Variants in ZNF236 observed in about 807,000 individuals in gnomAD.
ZNF236 encodes regulated by glucose.
Under a neutral mutation model 191.2 loss-of-function variants are expected in ZNF236, and 50 were observed. The ratio of observed to expected loss-of-function variants is 0.26; its 90% CI spans 0.21 to 0.33. The LOEUF is 0.33. Ranked by LOEUF, ZNF236 falls within the 10% of genes least tolerant of loss-of-function variation. ZNF236 has a pLI of 1.00. For missense variants in ZNF236, 1,754 were observed against 2,374.5 expected (o/e 0.74, Z 5.43); for synonymous variants, 907 against 928.8 (o/e 0.98, Z 0.43).
intron 9 of ZNF236, among the ~76,000 whole-genome samples, chr18:76,889,070 C>T (rs958804101): frequency 6.6e-6 from 1 of 152,316 alleles, no homozygotes; most frequent in African/African-American, 2.4e-5. Flanking sequence ...TTGCTAGTCC[C>T]ACCAGGCATC....
intron 7 of ZNF236, among the ~76,000 whole-genome samples, chr18:76,879,893 C>T: frequency 6.6e-6 from 1 of 152,244 alleles, no homozygotes; most frequent in Middle Eastern, 3.4e-3. Flanking sequence ...CTGGAAAAAA[C>T]TGTACAAAAT....
intron 1 of ZNF236, among the ~76,000 whole-genome samples, chr18:76,828,845 T>A (rs947576875): frequency 6.6e-6 from 1 of 152,142 alleles, no homozygotes; most frequent in African/African-American, 2.4e-5. Context: ...TTTTTGTATT[T>A]TAGTAGAGAC....
chr18:76,887,704 C>T (rs565293109), intron 9 of ZNF236: 3 of 152,340 alleles, frequency 2.0e-5, no homozygotes, highest in Non-Finnish European at 4.4e-5. Context: ...TACATGGCTA[C>T]AGGCAAGAGA....
At chr18:76,825,559 T>A (rs1974990906) in intron 1 of ZNF236, among the ~76,000 whole-genome samples, 1 of 152,198 alleles carries the variant, frequency 6.6e-6, no homozygotes, top group Non-Finnish European at 1.5e-5. Context: ...TCCAACTGTC[T>A]TCTGTTAATC....
Position 76,889,257 on chromosome 18 carries a change from A to G in ZNF236, c.1418-5756A>G, listed in dbSNP as rs192040381. Among the ~76,000 whole-genome samples the G allele has an allele frequency of 1.9e-3, 287 of 152,206 alleles. 1 individual carries two copies. Among genetic ancestry groups the G allele is most frequent in the Non-Finnish European group, 2.5e-3 (170 of 67,990 alleles). ...TGCAGAAGTTTCTGAGCCTCCTCCTATGGAAGTAATCAGCATTGTCTTTGC... is the reference window on the plus strand; with the variant it reads ...TGCAGAAGTTTCTGAGCCTCCTCCTGTGGAAGTAATCAGCATTGTCTTTGC... On this transcript the variant is annotated intron_variant, in intron 9 of 30. Coordinates refer to ENST00000320610, the MANE Select transcript of ZNF236 (RefSeq NM_001306089.2).
At chr18:76,951,067 C>G (rs898335911) in intron 27 of ZNF236, among the ~76,000 whole-genome samples, 1 of 152,220 alleles carries the variant, frequency 6.6e-6, no homozygotes, top group African/African-American at 2.4e-5. Context: ...ATGCTGTAAA[C>G]AGACGTGCTG....
intron 10 of ZNF236, among the ~76,000 whole-genome samples, chr18:76,897,751 A>G (rs1375573204): frequency 6.6e-6 from 1 of 151,980 alleles, no homozygotes; most frequent in Non-Finnish European, 1.5e-5. Flanking sequence ...ACACAGTGCC[A>G]CACACAGGAA....
chr18:76,922,328 C>T (rs185060383), intron 20 of ZNF236, among the ~76,000 whole-genome samples: 3 of 152,122 alleles, frequency 2.0e-5, no homozygotes, highest in Non-Finnish European at 4.4e-5. Context: ...TCAGAGACTC[C>T]GAGTGCCTGT....
intron 28 of ZNF236, among the ~76,000 whole-genome samples, chr18:76,956,710 A>C (rs1968533748): frequency 2.0e-5 from 3 of 152,212 alleles, no homozygotes; most frequent in Non-Finnish European, 2.9e-5. Flanking sequence ...CGCATGTGGG[A>C]AGCAGAGGAT....
At chr18:76,906,451 T>C (rs185449138) in intron 13 of ZNF236, among the ~76,000 whole-genome samples, 134 of 152,304 alleles carry the variant, frequency 8.8e-4, no homozygotes, top group African/African-American at 2.9e-3. Flanking sequence ...ATGTTGAGGA[T>C]GCTTGTGTTC....
chr18:76,888,507 C>T (rs1977128229), intron 9 of ZNF236: 1 of 152,270 alleles, frequency 6.6e-6, no homozygotes, highest in Non-Finnish European at 1.5e-5. Context: ...AGATATCAGT[C>T]CCTCTCTAAT....
At chr18:76,868,516 G>T (rs1449731503) in intron 3 of ZNF236, among the ~76,000 whole-genome samples, 169 bp from the exon 4 acceptor site, 3 of 152,180 alleles carry the variant, frequency 2.0e-5, no homozygotes, top group Non-Finnish European at 2.9e-5. Context: ...ATACATTTTT[G>T]AGAGGTGAAA....
Position 76,925,809 on chromosome 18 carries a change from G to A in ZNF236, c.4027+255G>A, listed in dbSNP as rs934805511. On this transcript the variant is annotated intron_variant, in intron 22 of 30. Coordinates refer to ENST00000320610, the MANE Select transcript of ZNF236 (RefSeq NM_001306089.2). This position sits in a 1 kb window ranked among gnomAD's most constrained non-coding sequence, Gnocchi z 5.7. ...CTTTGTTTAGCTTTTGTTTTTAGTGGGTGTAAACCTGTTTTTACTCAGTTG... is the reference window on the plus strand; with the variant it reads ...CTTTGTTTAGCTTTTGTTTTTAGTGAGTGTAAACCTGTTTTTACTCAGTTG... Among the ~76,000 whole-genome samples the A allele has an allele frequency of 6.6e-6, 1 of 152,086 alleles. No homozygotes were observed. The highest frequency in any genetic ancestry group is 2.4e-5 in the African/African-American group (1 of 41,390).
chr18:76,844,416 A>G, intron 1 of ZNF236, among the ~76,000 whole-genome samples: 1 of 152,052 alleles, frequency 6.6e-6, no homozygotes. Flanking sequence ...CTGTTGTCTT[A>G]GAGGAATAGG....
At chr18:76,951,240 C>A (rs1311802528) in intron 27 of ZNF236, among the ~76,000 whole-genome samples, 3 of 152,182 alleles carry the variant, frequency 2.0e-5, no homozygotes, top group African/African-American at 7.2e-5. Flanking sequence ...TCCTTTGAAG[C>A]CAGACACTGA....
intron 26 of ZNF236, among the ~76,000 whole-genome samples, chr18:76,939,725 G>T (rs1463112022): frequency 1.3e-5 from 2 of 152,020 alleles, no homozygotes; most frequent in African/African-American, 4.8e-5. Context: ...AAGCCTTAAG[G>T]GTGTAATGTG....
At chr18:76,896,747 C>T (rs568454046) in intron 10 of ZNF236, among the ~76,000 whole-genome samples, 2 of 151,824 alleles carry the variant, frequency 1.3e-5, no homozygotes, top group South Asian at 4.2e-4. Flanking sequence ...GTACCAAACA[C>T]AGGTACCAAA....
At chr18:76,899,920 C>G (rs925015663) in intron 11 of ZNF236, among the ~76,000 whole-genome samples, 1 of 152,182 alleles carries the variant, frequency 6.6e-6, no homozygotes, top group Admixed American at 6.5e-5. Flanking sequence ...ATGGTGCTGG[C>G]AGATTGAGTG....
intron 9 of ZNF236, chr18:76,887,077 A>T (rs1420434880): frequency 1.3e-5 from 2 of 153,326 alleles, no homozygotes; most frequent in Admixed American, 6.5e-5. Flanking sequence ...AGTACTTGTT[A>T]AAAAGATTCT....
Sources: allele counts gnomAD v4.1 joint callset (sites outside exome capture counted in the v4.1 genomes callset), GRCh38; gene constraint gnomAD v4.1.1; non-coding constraint Gnocchi (gnomAD v3.1); transcripts MANE v1.5; gene names NCBI Gene and HGNC (gene_info 2026-07-23, HGNC 2026-07-21).